The following TMTC2 variants were observed in gnomAD, a reference collection of about 807,000 sequenced individuals.
TMTC2 encodes protein O-mannosyl-transferase TMTC2.
Under a neutral mutation model 82.4 loss-of-function variants are expected in TMTC2, and 43 were observed. That is an observed-to-expected ratio of 0.52 (90% confidence interval 0.41 to 0.67). The LOEUF (loss-of-function observed/expected upper bound fraction) is 0.67, where lower values mean the gene tolerates loss of function less well. Among genes scored for constraint, TMTC2 ranks in the 30% least tolerant of loss-of-function variants. The pLI, the probability that TMTC2 is intolerant of heterozygous loss-of-function variation, is 0.00. For synonymous variants in TMTC2, 408 were observed against 381.9 expected, an observed-to-expected ratio of 1.07 and a Z score of -0.80; for missense variants, 919 against 1,012.4, an observed-to-expected ratio of 0.91 and a Z score of 1.25.
intron 4 of TMTC2, among the ~76,000 whole-genome samples, chr12:82,937,797 CACACATATA>C: frequency 4.5e-5 from 1 of 22,140 alleles, no homozygotes; most frequent in South Asian, 1.8e-3. Flanking sequence ...TATATATATA[CACACATATA>C]TATATAAAAT....
At chr12:83,119,713 A>G (rs1355179491) in intron 11 of TMTC2, among the ~76,000 whole-genome samples, 7 of 152,126 alleles carry the variant, frequency 4.6e-5, no homozygotes, top group African/African-American at 1.7e-4. Context: ...TTCTGTCTTG[A>G]TGACCTGTCT....
rs565946542 is a variant in TMTC2 at position 82,729,574 on chromosome 12, A to C, written c.83+41905A>C. ...TAGCTAGTCTCGTGGGGAAGTGGAG[A>C]ACTTTTGTGTCTAGCGCAGGGATTG... On this transcript the variant is annotated intron_variant, in intron 1 of 11. Coordinates refer to ENST00000321196, the MANE Select transcript of TMTC2 (RefSeq NM_152588.3). 1.7e-3 allele frequency among the ~76,000 whole-genome samples: 256 copies of C among 152,108 alleles called. 1 individual carries two copies. Among genetic ancestry groups the C allele is most frequent in the African/African-American group, 6.0e-3 (248 of 41,488 alleles).
chr12:82,788,403 G>T (rs1878291420), intron 1 of TMTC2, among the ~76,000 whole-genome samples: 1 of 152,050 alleles, frequency 6.6e-6, no homozygotes, highest in Non-Finnish European at 1.5e-5. Context: ...GGCACAAATT[G>T]ACTGAATTTT....
intron 11 of TMTC2, among the ~76,000 whole-genome samples, chr12:83,128,097 C>T (rs575301910): frequency 3.9e-5 from 6 of 152,206 alleles, no homozygotes; most frequent in African/African-American, 1.2e-4. Flanking sequence ...CTGCAAGCTA[C>T]TGACTGCTTT....
intron 10 of TMTC2, among the ~76,000 whole-genome samples, chr12:83,059,204 TA>T (rs2137468969): frequency 1.3e-5 from 2 of 151,974 alleles, no homozygotes; most frequent in East Asian, 3.9e-4. Context: ...ACTGGCAGAA[TA>T]CTGCTAAATT....
At chr12:82,917,591 T>TTTTATTTATTTA (rs200853483) in intron 3 of TMTC2, among the ~76,000 whole-genome samples, 1 of 151,632 alleles carries the variant, frequency 6.6e-6, no homozygotes, top group African/African-American at 2.4e-5. Flanking sequence ...TTGGCTTTTA[T>TTTTATTTATTTA]TTTATTTATT....
In TMTC2 at chr12:83,017,167, G is replaced by A. The variant is rs1191316826; in HGVS notation, c.2071-13631G>A. On this transcript the variant is annotated intron_variant, in intron 8 of 11. Transcript: ENST00000321196. ...AGTGTCTTAGGGAATGGACAGCTGAGGTCACAGTAAGACCTCACTGATGTT... is the reference window on the plus strand; with the variant it reads ...AGTGTCTTAGGGAATGGACAGCTGAAGTCACAGTAAGACCTCACTGATGTT... Among the ~76,000 whole-genome samples, 5 of 152,076 alleles carry A rather than the reference G, an allele frequency of 3.3e-5. No homozygotes were observed. The South Asian group carries it at 1.0e-3, about 32-fold the overall frequency.
Position 83,061,646 on chromosome 12 carries a change from G to A in TMTC2, c.2268-122G>A, listed in dbSNP as rs1000385800. The A allele has an allele frequency of 2.3e-5, 16 of 706,218 alleles. No homozygotes were observed. In the Admixed American group the frequency reaches 2.5e-4, roughly 11 times the overall value. 43.7% of individuals were successfully genotyped at this position (706,218 alleles called of 1,614,324 possible). On this transcript the variant is annotated intron_variant, in intron 10 of 11. Transcript: ENST00000321196. The stretch of plus-strand genomic sequence containing the variant: ...CAATTTTTAAGTCTTTTTCTGCTTG[G>A]GCAATTTATTGTTTGGTGTGACCAG...
intron 11 of TMTC2, among the ~76,000 whole-genome samples, chr12:83,062,205 G>T (rs2137473971): frequency 6.6e-6 from 1 of 151,752 alleles, no homozygotes; most frequent in East Asian, 1.9e-4. Flanking sequence ...ATTATTGTTT[G>T]ATTCTCATAT....
intron 1 of TMTC2, among the ~76,000 whole-genome samples, chr12:82,794,112 C>T (rs546217745): frequency 3.9e-5 from 6 of 152,104 alleles, no homozygotes; most frequent in Non-Finnish European, 5.9e-5. Flanking sequence ...TCTGTTGATG[C>T]GTGAGAAGAG....
At chr12:83,090,962 C>T (rs1471588464) in intron 11 of TMTC2, among the ~76,000 whole-genome samples, 1 of 152,128 alleles carries the variant, frequency 6.6e-6, no homozygotes, top group Non-Finnish European at 1.5e-5. Context: ...AGTAGCTGAA[C>T]ATTACCACTT....
intron 3 of TMTC2, among the ~76,000 whole-genome samples, chr12:82,899,824 A>ATG (rs34515350): frequency 2.3e-4 from 33 of 145,072 alleles, no homozygotes; most frequent in Admixed American, 9.9e-4. Context: ...GAATATAGAT[A>ATG]TAGGAATATA....
intron 11 of TMTC2, among the ~76,000 whole-genome samples, chr12:83,070,931 G>A (rs770424464): frequency 3.9e-5 from 6 of 152,118 alleles, no homozygotes; most frequent in Non-Finnish European, 8.8e-5. Flanking sequence ...TGCTTTTTCT[G>A]CATCTATTGA....
rs191688534 is a variant in TMTC2, at chr12:82,978,768, G to A, written c.1949-7157G>A. Among the ~76,000 whole-genome samples the A allele has an allele frequency of 2.0e-3, 307 of 151,812 alleles. 2 individuals are homozygous for A. Among genetic ancestry groups the A allele is most frequent in the South Asian group, 3.1e-3 (15 of 4,816 alleles). On this transcript the variant is annotated intron_variant, in intron 7 of 11. Coordinates refer to ENST00000321196, the MANE Select transcript of TMTC2 (RefSeq NM_152588.3). ...GACTTTCTATTTGGATGATCTGCCC[G>A]ATGCAGAAAATTAGGTTTGAAGCCT...
At position 83,134,180 on chromosome 12, in the gene TMTC2, A is replaced by G. The variant is rs1257029472; in HGVS notation, c.*1791A>G. On this transcript the variant is annotated 3_prime_UTR_variant, in exon 12 of 12. Coordinates refer to ENST00000321196, the MANE Select transcript of TMTC2 (RefSeq NM_152588.3). ...ATTTCACTGAAGGGCCAAAAGTTAAATTATAACTAAATCACTGTGTTTTCA... is the reference window on the plus strand; with the variant it reads ...ATTTCACTGAAGGGCCAAAAGTTAAGTTATAACTAAATCACTGTGTTTTCA... 1 of 152,598 alleles carries G rather than the reference A, an allele frequency of 6.6e-6. No homozygotes were observed. The highest frequency in any genetic ancestry group is 1.9e-4 in the East Asian group (1 of 5,196). 9.5% of individuals were successfully genotyped at this position (152,598 alleles called of 1,614,324 possible). A position where few individuals can be genotyped will look rare whatever the true frequency, so the allele number is the denominator to read the frequency against.
chr12:82,716,732 C>T (rs1486283562), intron 1 of TMTC2, among the ~76,000 whole-genome samples: 2 of 152,148 alleles, frequency 1.3e-5, no homozygotes, highest in African/African-American at 4.8e-5. Flanking sequence ...CCGGATTTAT[C>T]ACCGAATCTA....
intron 11 of TMTC2, among the ~76,000 whole-genome samples, chr12:83,129,816 A>G (rs888567712): frequency 6.6e-6 from 1 of 152,164 alleles, no homozygotes; most frequent in African/African-American, 2.4e-5. Flanking sequence ...CTGGCATCCC[A>G]TTTGTAAAGG....
intron 11 of TMTC2, among the ~76,000 whole-genome samples, chr12:83,123,760 A>G (rs745805925): frequency 2.6e-5 from 4 of 152,162 alleles, no homozygotes; most frequent in African/African-American, 9.7e-5. Context: ...ATGTTTTTTA[A>G]AGTACCAAAT....
rs192282568 is a variant in TMTC2, at chr12:82,927,986, G to A, written c.1484-2445G>A. Among the ~76,000 whole-genome samples the A allele has an allele frequency of 4.1e-4, 62 of 152,176 alleles. No homozygotes were observed. In the East Asian group the frequency reaches 0.011, roughly 27 times the overall value. On this transcript the variant is annotated intron_variant, in intron 3 of 11. Transcript: ENST00000321196. ...TTGTGATATTCACTTTATTGTGGTTGTCTGGGCCTAAACCCACAACATCTC... is the reference window on the plus strand; with the variant it reads ...TTGTGATATTCACTTTATTGTGGTTATCTGGGCCTAAACCCACAACATCTC...
Sources: gnomAD v4.1 joint callset for allele counts (sites outside exome capture counted in the v4.1 genomes callset) on GRCh38, gnomAD v4.1.1 for gene constraint, MANE v1.5 for transcripts, NCBI Gene and HGNC (gene_info 2026-07-23, HGNC 2026-07-21) for gene names.